The following THSD4 variants were observed in gnomAD, a reference collection of about 807,000 sequenced individuals.
THSD4 encodes thrombospondin type-1 domain-containing protein 4.
In THSD4, 69 loss-of-function variants were observed where a neutral mutation model predicts 119.0. The observed-to-expected ratio is 0.58, with a 90% CI of 0.48 to 0.71. THSD4 has a LOEUF of 0.71. Ranked by LOEUF, THSD4 falls within the 30% of genes least tolerant of loss-of-function variation. The probability of loss-of-function intolerance (pLI) is 0.00; values close to 1 mark genes in which losing one functional copy is unlikely to be tolerated. For missense variants in THSD4, 1,393 were observed against 1,391.1 expected (o/e 1.00, Z -0.02); for synonymous variants, 524 against 540.4 (o/e 0.97, Z 0.42).
chr15:71,413,720 C>A (rs181301229), intron 7 of THSD4, among the ~76,000 whole-genome samples: 197 of 152,316 alleles, frequency 1.3e-3, no homozygotes, highest in African/African-American at 4.3e-3. Context: ...GAAGAGCAAA[C>A]CCTGAAAGAA....
chr15:71,676,933 A>G (rs1341297878), intron 8 of THSD4, among the ~76,000 whole-genome samples: 1 of 152,166 alleles, frequency 6.6e-6, no homozygotes, highest in Non-Finnish European at 1.5e-5. Flanking sequence ...TACCTGTTTG[A>G]GTCACTACTT....
chr15:71,555,095 T>C (rs1470012720), intron 7 of THSD4, among the ~76,000 whole-genome samples: 1 of 152,200 alleles, frequency 6.6e-6, no homozygotes, highest in African/African-American at 2.4e-5. Context: ...GAATATGCTA[T>C]TTGGGCCAGG....
chr15:71,328,599 CGA>C (rs1236990827), intron 6 of THSD4, among the ~76,000 whole-genome samples: 1 of 152,148 alleles, frequency 6.6e-6, no homozygotes, highest in South Asian at 2.1e-4. Context: ...AGCATTCTAG[CGA>C]GAGAGAATGA....
chr15:71,476,637 G>A (rs1250257752), intron 7 of THSD4, among the ~76,000 whole-genome samples: 4 of 152,166 alleles, frequency 2.6e-5, no homozygotes, highest in African/African-American at 7.2e-5. Context: ...TGTCCTGTTT[G>A]TCTTCAAGGC....
chr15:71,554,247 G>T (rs551294863), intron 7 of THSD4, among the ~76,000 whole-genome samples: 18 of 151,052 alleles, frequency 1.2e-4, no homozygotes, highest in Admixed American at 9.3e-4. Context: ...CCACCGCCAT[G>T]CCCGGCTAAT....
chr15:71,431,469 T>C (rs1281481376), intron 7 of THSD4, among the ~76,000 whole-genome samples: 1 of 152,214 alleles, frequency 6.6e-6, no homozygotes, highest in African/African-American at 2.4e-5. Context: ...TAAAACAATT[T>C]ACTGTGGACA....
chr15:71,503,202 C>T (rs1307350470), intron 7 of THSD4, among the ~76,000 whole-genome samples: 2 of 151,986 alleles, frequency 1.3e-5, no homozygotes, highest in African/African-American at 2.4e-5. Flanking sequence ...TTCCAGGCAG[C>T]GGGAACAGCA....
intron 7 of THSD4, among the ~76,000 whole-genome samples, chr15:71,507,314 T>A (rs1459787520): frequency 1.3e-5 from 2 of 152,210 alleles, no homozygotes; most frequent in Non-Finnish European, 2.9e-5. Context: ...AGTTTCTTAC[T>A]TGGGGTGTCA....
At chr15:71,326,549 C>T (rs995684825) in intron 6 of THSD4, among the ~76,000 whole-genome samples, 7 of 148,460 alleles carry the variant, frequency 4.7e-5, no homozygotes, top group African/African-American at 1.7e-4. Context: ...TGGTGGCACA[C>T]ACCTATAATC....
At chr15:71,202,793 G>T (rs968599088) in intron 3 of THSD4, among the ~76,000 whole-genome samples, 3 of 151,898 alleles carry the variant, frequency 2.0e-5, no homozygotes, top group South Asian at 2.1e-4. Flanking sequence ...TTGCGGGGAG[G>T]GGGTGGGCAT....
At chr15:71,259,933 A>G (rs906575607) in intron 6 of THSD4, among the ~76,000 whole-genome samples, 1 of 152,158 alleles carries the variant, frequency 6.6e-6, no homozygotes, top group African/African-American at 2.4e-5. Context: ...GGCTGTGGAT[A>G]ATAGCTGCTT....
At chr15:71,442,954 T>G (rs185386486) in intron 7 of THSD4, among the ~76,000 whole-genome samples, 5 of 151,818 alleles carry the variant, frequency 3.3e-5, no homozygotes, top group Admixed American at 3.3e-4. Context: ...CTAGACTGTT[T>G]ATGCATCGAA....
chr15:71,512,312 C>T (rs1449881035), intron 7 of THSD4, among the ~76,000 whole-genome samples: 3 of 152,210 alleles, frequency 2.0e-5, no homozygotes, highest in Non-Finnish European at 2.9e-5. Context: ...TAATTTTGCT[C>T]ACTGTACAGC....
intron 8 of THSD4, among the ~76,000 whole-genome samples, chr15:71,697,080 G>A (rs184382556): frequency 8.7e-4 from 132 of 152,298 alleles, no homozygotes; most frequent in Non-Finnish European, 1.5e-3. Flanking sequence ...GTGATAAGAC[G>A]GTGAAGGAGC....
intron 7 of THSD4, among the ~76,000 whole-genome samples, chr15:71,524,619 A>G: frequency 2.5e-5 from 2 of 79,188 alleles, no homozygotes; most frequent in African/African-American, 4.6e-5. Context: ...TTTTTTTGAG[A>G]CGAGTCTCTA....
At chr15:71,274,238 C>G (rs2044564890) in intron 6 of THSD4, among the ~76,000 whole-genome samples, 1 of 152,174 alleles carries the variant, frequency 6.6e-6, no homozygotes, top group Non-Finnish European at 1.5e-5. Context: ...GTCAGGGTAG[C>G]CACCTGGCTC....
At chr15:71,357,393 C>G (rs777420827) in intron 6 of THSD4, among the ~76,000 whole-genome samples, 62 of 152,294 alleles carry the variant, frequency 4.1e-4, no homozygotes, top group South Asian at 8.3e-4. Context: ...CACTCCTGTC[C>G]CTGGTGGGAG....
intron 7 of THSD4, among the ~76,000 whole-genome samples, chr15:71,596,407 C>T (rs923710232): frequency 2.6e-5 from 4 of 152,140 alleles, no homozygotes; most frequent in East Asian, 1.9e-4. Flanking sequence ...CCAGAAGTGG[C>T]CATCTGTTTT....
At position 71,208,801 on chromosome 15, in the gene THSD4, C is replaced by T. The variant is rs185779137; in HGVS notation, c.100-6234C>T. ...TACTGGGAGTACAGATATGAGCCAC[C>T]GTGCCAGGCTCTGGATGTCGTTTCT... On this transcript the variant is annotated intron_variant, in intron 3 of 17. Transcript: ENST00000261862. Among the ~76,000 whole-genome samples, 978 of 152,190 alleles carry T rather than the reference C, an allele frequency of 6.4e-3. 15 individuals are homozygous for T. Among genetic ancestry groups the T allele is most frequent in the Admixed American group, 0.035 (532 of 15,282 alleles).
Sources: allele counts gnomAD v4.1 joint callset (sites outside exome capture counted in the v4.1 genomes callset), GRCh38; gene constraint gnomAD v4.1.1; transcripts MANE v1.5; gene names NCBI Gene and HGNC (gene_info 2026-07-23, HGNC 2026-07-21).